The following PCSK5 variants were observed in gnomAD, a reference collection of about 807,000 sequenced individuals.
The protein encoded by PCSK5 is proprotein convertase subtilisin/kexin type 5, also known as prohormone convertase 5.
In PCSK5, 129 loss-of-function variants were observed where a neutral mutation model predicts 233.2. The ratio of observed to expected loss-of-function variants is 0.55; its 90% CI spans 0.48 to 0.64. PCSK5 has a LOEUF of 0.64. Ranked by LOEUF, PCSK5 falls within the 30% of genes least tolerant of loss-of-function variation. The pLI is 0.00. For synonymous variants in PCSK5, 825 were observed against 879.2 expected, an observed-to-expected ratio of 0.94 and a Z score of 1.09; for missense variants, 2,076 against 2,430.1, an observed-to-expected ratio of 0.85 and a Z score of 3.06.
chr9:76,176,668 A>T (rs775965232), intron 14 of PCSK5, among the ~76,000 whole-genome samples: 1 of 152,094 alleles, frequency 6.6e-6, no homozygotes, highest in Non-Finnish European at 1.5e-5. Flanking sequence ...TTAGCGTTAC[A>T]CCTAAGTATT....
chr9:76,157,416 A>C (rs1822636727), intron 11 of PCSK5, among the ~76,000 whole-genome samples: 1 of 152,096 alleles, frequency 6.6e-6, no homozygotes, highest in African/African-American at 2.4e-5. Flanking sequence ...GGGCTCTTGA[A>C]AGTTTTCTAC....
chr9:76,326,951 A>G (rs1251001501), intron 32 of PCSK5, among the ~76,000 whole-genome samples: 1 of 152,172 alleles, frequency 6.6e-6, no homozygotes, highest in Non-Finnish European at 1.5e-5. Flanking sequence ...TTGCAGGCAG[A>G]CAGAATGGCA....
intron 10 of PCSK5, among the ~76,000 whole-genome samples, chr9:76,141,334 G>T (rs1373003954): frequency 6.6e-6 from 1 of 151,970 alleles, no homozygotes; most frequent in Admixed American, 6.6e-5. Context: ...TTGAGGTTTT[G>T]TATTTATTTA....
chr9:76,097,185 G>C (rs1230089500), intron 8 of PCSK5, among the ~76,000 whole-genome samples: 1 of 149,048 alleles, frequency 6.7e-6, no homozygotes, highest in Non-Finnish European at 1.5e-5. Flanking sequence ...TGCCTGCCTC[G>C]GCCTCCCAAA....
rs142852742 is a variant in PCSK5 at position 76,160,820 on chromosome 9, G to C, written c.1619+1649G>C. Among the ~76,000 whole-genome samples, 641 of 151,882 alleles carry C rather than the reference G, an allele frequency of 4.2e-3. 4 individuals carry two copies. Among genetic ancestry groups the C allele is most frequent in the African/African-American group, 0.015 (606 of 41,370 alleles). On this transcript the variant is annotated intron_variant, in intron 12 of 37. Transcript: ENST00000674117. ...GAGTCTTGCTCTGTTGCCCAGGCTG[G>C]AGTGCAGTGTTGGCACAATCTCGGC...
intron 5 of PCSK5, among the ~76,000 whole-genome samples, chr9:76,062,267 G>T (rs1473306067): frequency 6.6e-6 from 1 of 152,026 alleles, no homozygotes; most frequent in East Asian, 1.9e-4. Flanking sequence ...AAATGAAATT[G>T]TGTATGACAA....
chr9:75,908,869 T>TTTA (rs1822533324), intron 1 of PCSK5, among the ~76,000 whole-genome samples: 2 of 119,906 alleles, frequency 1.7e-5, no homozygotes, highest in East Asian at 5.8e-4. Flanking sequence ...ATCCTTCTCT[T>TTTA]TCTATTTATC....
chr9:76,260,774 T>G (rs1827147347), intron 24 of PCSK5, among the ~76,000 whole-genome samples: 1 of 152,160 alleles, frequency 6.6e-6, no homozygotes, highest in Non-Finnish European at 1.5e-5. Flanking sequence ...CATAATAAAT[T>G]TTTATGTTTT....
intron 12 of PCSK5, among the ~76,000 whole-genome samples, chr9:76,159,600 C>T (rs1156433871): frequency 1.3e-5 from 2 of 152,108 alleles, no homozygotes; most frequent in Non-Finnish European, 2.9e-5. Context: ...ATTTTTTCTG[C>T]ACAGAGCCAG....
At chr9:76,331,639 C>T (rs1051035883) in intron 33 of PCSK5, among the ~76,000 whole-genome samples, 10 of 149,360 alleles carry the variant, frequency 6.7e-5, no homozygotes, top group African/African-American at 2.5e-4. Context: ...TGCACTCCAG[C>T]CTGGGCGACA....
At chr9:75,939,505 T>G (rs1294481301) in intron 2 of PCSK5, among the ~76,000 whole-genome samples, 1 of 152,212 alleles carries the variant, frequency 6.6e-6, no homozygotes, top group Non-Finnish European at 1.5e-5. Context: ...CAGTGTTATC[T>G]GTAGGAGAAT....
At chr9:76,018,086 A>T (rs1828026597) in intron 3 of PCSK5, among the ~76,000 whole-genome samples, 1 of 151,732 alleles carries the variant, frequency 6.6e-6, no homozygotes, top group Non-Finnish European at 1.5e-5. Context: ...GTAGTTCCCA[A>T]GTACTGAGAA....
At chr9:76,001,519 A>G (rs1194101683) in intron 3 of PCSK5, among the ~76,000 whole-genome samples, 1 of 116,196 alleles carries the variant, frequency 8.6e-6, no homozygotes, top group East Asian at 2.4e-4. Flanking sequence ...TGCTCTCTCT[A>G]CTGTCGTTGG....
At chr9:76,248,470 C>A (rs1390138) in intron 24 of PCSK5, among the ~76,000 whole-genome samples, 148,341 of 152,256 alleles carry the variant, frequency 0.97, 72,293 homozygotes, top group East Asian at 1. Context: ...TTTACAGAAA[C>A]AGTTCAGCTG....
chr9:76,007,912 A>G (rs1827555003), intron 3 of PCSK5, among the ~76,000 whole-genome samples: 1 of 151,894 alleles, frequency 6.6e-6, no homozygotes, highest in African/African-American at 2.4e-5. Context: ...AACTCCTGAG[A>G]TAAAGTGATT....
rs1825164803 is a variant in PCSK5, at chr9:76,207,472, A to T, written c.2626+17726A>T. Among the ~76,000 whole-genome samples the T allele has an allele frequency of 2.0e-5, 3 of 152,228 alleles. No individual in the cohort carries two copies. The South Asian group carries it at 6.2e-4, about 32-fold the overall frequency. On this transcript the variant is annotated intron_variant, in intron 20 of 37. Coordinates refer to ENST00000674117, the MANE Select transcript of PCSK5 (RefSeq NM_001372043.1). ...CAATACTCTTTTGTGTGTATCTTGC[A>T]TTAATTCGTTAACTATTTACTCATC...
intron 8 of PCSK5, among the ~76,000 whole-genome samples, chr9:76,097,482 T>A (rs373996022): frequency 9.1e-4 from 139 of 152,284 alleles, no homozygotes; most frequent in African/African-American, 3.2e-3. Flanking sequence ...CAGCACAAAG[T>A]CTGCTGGATG....
chr9:76,269,098 G>A (rs1827427224), intron 24 of PCSK5, among the ~76,000 whole-genome samples: 1 of 152,198 alleles, frequency 6.6e-6, no homozygotes, highest in African/African-American at 2.4e-5. Context: ...CCATCTACAG[G>A]AGTCATTTGC....
intron 2 of PCSK5, among the ~76,000 whole-genome samples, chr9:75,980,784 T>C (rs1587453725): frequency 1.3e-5 from 2 of 152,286 alleles, no homozygotes; most frequent in Admixed American, 1.3e-4. Flanking sequence ...TTTGATGTTT[T>C]GATCAGAGTT....
Sources: allele counts gnomAD v4.1 joint callset (sites outside exome capture counted in the v4.1 genomes callset), GRCh38; gene constraint gnomAD v4.1.1; transcripts MANE v1.5; gene names NCBI Gene and HGNC (gene_info 2026-07-23, HGNC 2026-07-21).